The following CCDC91 variants were observed in gnomAD, a reference collection of about 807,000 sequenced individuals.
The protein encoded by CCDC91 is coiled-coil domain containing 91.
In CCDC91, 48 loss-of-function variants were observed where a neutral mutation model predicts 63.2. That is an observed-to-expected ratio of 0.76 (90% CI 0.60 to 0.97). The LOEUF is 0.97. CCDC91 is among the 50% of genes least tolerant of loss of function. The pLI is 0.00. For synonymous variants in CCDC91, 167 were observed against 165.8 expected (o/e 1.01, Z -0.06); for missense variants, 500 against 494.6 (o/e 1.01, Z -0.10).
At position 28,286,867 on chromosome 12, in the gene CCDC91, C is replaced by T. The variant is rs755462378; in HGVS notation, c.110-18782C>T. On this transcript the variant is annotated intron_variant, in intron 3 of 12. Coordinates refer to ENST00000536442, the MANE Select transcript of CCDC91 (RefSeq NM_018318.5). ...TGTTTCTATTTCTCTGCAACCTAGC[C>T]AGCATCTATTATTTTTTTGACTTTT... is the stretch of plus-strand genomic sequence containing the variant. Among the ~76,000 whole-genome samples, 163 of 152,228 alleles carry T rather than the reference C, an allele frequency of 1.1e-3. 2 individuals carry two copies. The highest frequency in any genetic ancestry group is 3.7e-4 in the Non-Finnish European group (25 of 68,008).
At chr12:28,463,545 G>A (rs1322934868) in intron 11 of CCDC91, among the ~76,000 whole-genome samples, 1 of 152,144 alleles carries the variant, frequency 6.6e-6, no homozygotes, top group African/African-American at 2.4e-5. Flanking sequence ...CATGAAGAGG[G>A]CAGCATAGCC....
At chr12:28,371,072 A>AT (rs147637598) in intron 7 of CCDC91, among the ~76,000 whole-genome samples, 1,904 of 149,618 alleles carry the variant, frequency 0.013, 19 homozygotes, top group South Asian at 0.038. Context: ...CTCTAGTAAG[A>AT]TTTTTTTTTT....
At chr12:28,234,130 C>T (rs1195489951) in intron 1 of CCDC91, among the ~76,000 whole-genome samples, 3 of 151,932 alleles carry the variant, frequency 2.0e-5, no homozygotes, top group Admixed American at 6.6e-5. Flanking sequence ...AAATTGGTCC[C>T]ATAATTAAGT....
At chr12:28,325,124 T>A (rs1461410700) in intron 6 of CCDC91, among the ~76,000 whole-genome samples, 1 of 151,992 alleles carries the variant, frequency 6.6e-6, no homozygotes, top group African/African-American at 2.4e-5. Context: ...AGCTCTGAAA[T>A]GTTTTTATTG....
At chr12:28,475,121 TAAAC>T (rs558271096) in intron 11 of CCDC91, among the ~76,000 whole-genome samples, 17 of 152,220 alleles carry the variant, frequency 1.1e-4, no homozygotes, top group African/African-American at 4.1e-4. Flanking sequence ...TATATTAACA[TAAAC>T]AAATTTTAAG....
In CCDC91 at chr12:28,307,702, A is replaced by G; in HGVS notation, c.529A>G (p.Lys177Glu). 1 of 1,593,564 alleles carries G rather than the reference A, an allele frequency of 6.3e-7. No homozygotes were observed. The change falls in exon 6 of 13, where the codon AAA becomes GAA. Residue 177 changes from lysine (K) to glutamate (E), a missense_variant. Lys to Glu is a moderately conservative substitution (Grantham distance 56). Transcript: ENST00000536442. Reference sequence around the variant, plus strand: ...CTTAGAAAAAGGCTTTCTAAAAGAAAAAGAGCAAGAGGCCATTTCTTTTCA... The same window carrying G: ...CTTAGAAAAAGGCTTTCTAAAAGAAGAAGAGCAAGAGGCCATTTCTTTTCA... Reference protein sequence around the residue: ...NVLEKGFLKEKEQEAISFQDR... With the variant: ...NVLEKGFLKEEEQEAISFQDR...
At chr12:28,338,295 C>T (rs1372594649) in intron 6 of CCDC91, among the ~76,000 whole-genome samples, 1 of 149,202 alleles carries the variant, frequency 6.7e-6, no homozygotes, top group Admixed American at 6.7e-5. Flanking sequence ...ACAGACTTTC[C>T]CCTAAACTCA....
At chr12:28,425,226 A>G (rs1359827966) in intron 8 of CCDC91, among the ~76,000 whole-genome samples, 2 of 152,072 alleles carry the variant, frequency 1.3e-5, no homozygotes, top group African/African-American at 4.8e-5. Context: ...ATGTATTTCC[A>G]TTACTAGCCC....
chr12:28,458,547 G>A (rs1482201793), intron 11 of CCDC91, among the ~76,000 whole-genome samples: 5 of 125,526 alleles, frequency 4.0e-5, no homozygotes, highest in Non-Finnish European at 1.6e-5. Context: ...TTAGCTCACT[G>A]CAACCTCCCC....
intron 7 of CCDC91, among the ~76,000 whole-genome samples, chr12:28,363,760 C>T (rs1370629497): frequency 6.6e-6 from 1 of 151,234 alleles, no homozygotes; most frequent in Non-Finnish European, 1.5e-5. Context: ...GCCTGTAGTC[C>T]CAGCTATTCG....
At chr12:28,310,132 T>G (rs1939167505) in intron 6 of CCDC91, among the ~76,000 whole-genome samples, 1 of 152,024 alleles carries the variant, frequency 6.6e-6, no homozygotes, top group Non-Finnish European at 1.5e-5. Context: ...CTTACTGACC[T>G]CATCCTTGGA....
intron 8 of CCDC91, among the ~76,000 whole-genome samples, chr12:28,419,483 CT>C (rs1250254235): frequency 6.6e-6 from 1 of 152,026 alleles, no homozygotes; most frequent in African/African-American, 2.4e-5. Context: ...ACCAATAAAT[CT>C]TTTTTTGTCA....
chr12:28,416,747 G>A (rs540952134), intron 8 of CCDC91, among the ~76,000 whole-genome samples: 2 of 152,202 alleles, frequency 1.3e-5, no homozygotes, highest in East Asian at 3.9e-4. Context: ...CAGGGTCAAG[G>A]CCTAGTCAAA....
At chr12:28,477,179 T>G (rs1212220475) in intron 11 of CCDC91, among the ~76,000 whole-genome samples, 2 of 152,096 alleles carry the variant, frequency 1.3e-5, no homozygotes, top group Non-Finnish European at 2.9e-5. Context: ...AAAAGGAATT[T>G]TAGACCAATA....
chr12:28,325,541 T>A (rs1235721673), intron 6 of CCDC91, among the ~76,000 whole-genome samples: 3 of 151,918 alleles, frequency 2.0e-5, no homozygotes, highest in South Asian at 4.1e-4. Context: ...ATGAAAACTA[T>A]AGCAAGGTAA....
At chr12:28,436,891 G>A (rs999157625) in intron 8 of CCDC91, among the ~76,000 whole-genome samples, 6 of 151,610 alleles carry the variant, frequency 4.0e-5, no homozygotes, top group South Asian at 2.1e-4. Context: ...AATGCCCATC[G>A]CCTTATTAAA....
chr12:28,297,978 G>T lies in CCDC91; in HGVS notation c.110-7671G>T, dbSNP rs1381114916. Among the ~76,000 whole-genome samples the T allele has an allele frequency of 2.0e-5, 3 of 151,640 alleles. No individual in the cohort carries two copies. The East Asian group carries it at 5.8e-4, about 29-fold the overall frequency. On this transcript the variant is annotated intron_variant, in intron 3 of 12. Transcript: ENST00000536442. ...TACTAGGACAGATTTTCTTCTAAGGGTTGAATGTTATAGGGCAGTCACCTT... is the reference window on the plus strand; with the variant it reads ...TACTAGGACAGATTTTCTTCTAAGGTTTGAATGTTATAGGGCAGTCACCTT...
chr12:28,355,225 T>C (rs774321136), intron 6 of CCDC91, among the ~76,000 whole-genome samples: 2 of 152,184 alleles, frequency 1.3e-5, no homozygotes, highest in Non-Finnish European at 2.9e-5. Flanking sequence ...AATCTGATGC[T>C]AATAAACTGA....
At chr12:28,437,141 A>G (rs1948952632) in intron 8 of CCDC91, among the ~76,000 whole-genome samples, 1 of 147,206 alleles carries the variant, frequency 6.8e-6, no homozygotes, top group African/African-American at 2.4e-5. Flanking sequence ...TCCATGATTT[A>G]TCAGTAAAAG....
Sources: gnomAD v4.1 joint callset for allele counts (sites outside exome capture counted in the v4.1 genomes callset) on GRCh38, gnomAD v4.1.1 for gene constraint, MANE v1.5 for transcripts, NCBI Gene and HGNC (gene_info 2026-07-23, HGNC 2026-07-21) for gene names.